Variants in ZNF292 observed in about 807,000 individuals in gnomAD.
ZNF292 encodes the protein 16 zinc-finger domain protein.
A neutral mutation model predicts 217.9 loss-of-function variants in ZNF292; 26 were observed. The observed-to-expected ratio is 0.12, with a 90% CI of 0.09 to 0.17. ZNF292 has a LOEUF of 0.17. ZNF292 is among the 10% of genes least tolerant of loss of function. The pLI is 1.00. For synonymous variants in ZNF292, 1,257 were observed against 1,124.1 expected (o/e 1.12, Z -2.37); for missense variants, 2,904 against 3,175.2 (o/e 0.91, Z 2.05).
At chr6:87,250,037 CAAAAA>C (rs75971468) in intron 7 of ZNF292, among the ~76,000 whole-genome samples, 1 of 79,660 alleles carries the variant, frequency 1.3e-5, no homozygotes, top group African/African-American at 4.3e-5. Flanking sequence ...AAAAAAAAAA[CAAAAA>C]AAAAAACTCC....
intron 1 of ZNF292, among the ~76,000 whole-genome samples, chr6:87,158,924 A>G (rs1770632055): frequency 6.6e-6 from 1 of 152,256 alleles, no homozygotes; most frequent in Non-Finnish European, 1.5e-5. Flanking sequence ...GCAAAGATGA[A>G]TAAACGTTTG....
At chr6:87,183,661 A>T (rs1427398072) in intron 1 of ZNF292, among the ~76,000 whole-genome samples, 1 of 152,240 alleles carries the variant, frequency 6.6e-6, no homozygotes, top group Non-Finnish European at 1.5e-5. Flanking sequence ...ACCACTTTAC[A>T]CCATAAAATA....
intron 7 of ZNF292, among the ~76,000 whole-genome samples, chr6:87,254,324 A>C (rs1174120515): frequency 6.6e-6 from 1 of 152,244 alleles, no homozygotes; most frequent in Non-Finnish European, 1.5e-5. Context: ...CAGTTTAATG[A>C]AGTTTAAGTG....
In ZNF292 at chr6:87,264,009, A is replaced by G. The variant is rs1401268970; in HGVS notation, c.*2208A>G. Reference sequence around the variant, plus strand: ...ATGGGGAAGAGTTTGCCAACATTTAATGAAATTTTTATATTCCAGGTAATG... The same window carrying G: ...ATGGGGAAGAGTTTGCCAACATTTAGTGAAATTTTTATATTCCAGGTAATG... On this transcript the variant is annotated 3_prime_UTR_variant, in exon 8 of 8. Coordinates refer to ENST00000369577, the MANE Select transcript of ZNF292 (RefSeq NM_015021.3). 6.6e-6 allele frequency: 1 copy of G among 152,132 alleles called. No individual in the cohort carries two copies. The highest frequency in any genetic ancestry group is 1.9e-4 in the East Asian group (1 of 5,196). The allele number at this position is 152,132 out of a possible 1,614,324, so 9.4% of individuals were successfully genotyped here. A position where few individuals can be genotyped will look rare whatever the true frequency, so the allele number is the denominator to read the frequency against.
chr6:87,242,660 C>T (rs1028798024), intron 5 of ZNF292, among the ~76,000 whole-genome samples: 1 of 152,188 alleles, frequency 6.6e-6, no homozygotes, highest in Non-Finnish European at 1.5e-5. Flanking sequence ...TTCTGTGGAA[C>T]ACTGGTAATT....
intron 4 of ZNF292, among the ~76,000 whole-genome samples, chr6:87,232,437 T>C (rs1773701127): frequency 6.6e-6 from 1 of 152,146 alleles, no homozygotes; most frequent in Non-Finnish European, 1.5e-5. Flanking sequence ...TAAATGTTAT[T>C]ACTAAAAGCC....
chr6:87,168,721 C>G (rs1770995286), intron 1 of ZNF292, among the ~76,000 whole-genome samples: 1 of 152,188 alleles, frequency 6.6e-6, no homozygotes, highest in Admixed American at 6.5e-5. Flanking sequence ...CCGCCCACCT[C>G]AGCCTCCCAA....
At chr6:87,205,401 G>A (rs971645937) in intron 1 of ZNF292, among the ~76,000 whole-genome samples, 4 of 151,954 alleles carry the variant, frequency 2.6e-5, no homozygotes, top group Admixed American at 2.6e-4. Flanking sequence ...TATAAAAATT[G>A]TATGATAATT....
Position 87,256,310 on chromosome 6 carries a change from A to G in ZNF292, c.2681A>G (p.Lys894Arg). ...ADRSDAWDKS[K>R]AESAVTKQDQ... The stretch of plus-strand genomic sequence containing the variant: ...AGAAGTGATGCTTGGGATAAAAGCA[A>G]AGCAGAATCAGCTGTGACCAAACAA... The change falls in exon 8 of 8, where the codon AAA becomes AGA. Residue 894 changes from lysine to arginine, a missense_variant. By Grantham distance (26) the Lys-to-Arg change is conservative (BLOSUM62 2). Coordinates refer to ENST00000369577, the MANE Select transcript of ZNF292 (RefSeq NM_015021.3). The G allele has an allele frequency of 3.1e-6, 5 of 1,613,534 alleles. No homozygotes were observed. The highest frequency in any genetic ancestry group is 4.2e-6 in the Non-Finnish European group (5 of 1,179,860).
At chr6:87,231,259 C>A (rs1462915542) in intron 4 of ZNF292, among the ~76,000 whole-genome samples, 1 of 152,056 alleles carries the variant, frequency 6.6e-6, no homozygotes, top group Non-Finnish European at 1.5e-5. Flanking sequence ...AAGGCTGATG[C>A]TACTTCACAG....
rs1192019154 is a variant in ZNF292, at chr6:87,239,641, TGCC to T, written c.742-3832_742-3830del. ...CTCCTCACTTCTCAGACGGGGCGGC[TGCC>T]GGGCGGAGGGGCTCCTCACTTCTCA... On this transcript the variant is annotated intron_variant, in intron 5 of 7. Transcript: ENST00000369577. Among the ~76,000 whole-genome samples, 702 of 122,020 alleles carry T rather than the reference TGCC, an allele frequency of 5.8e-3. 25 individuals are homozygous for T. The highest frequency in any genetic ancestry group is 0.023 in the African/African-American group (659 of 28,340). The allele number at this position is 122,020 out of a possible 152,430, so 80.0% of individuals were successfully genotyped here. A position where few individuals can be genotyped will look rare whatever the true frequency, so the allele number is the denominator to read the frequency against.
chr6:87,203,976 A>G (rs534924980), intron 1 of ZNF292, among the ~76,000 whole-genome samples: 1 of 152,322 alleles, frequency 6.6e-6, no homozygotes, highest in African/African-American at 2.4e-5. Context: ...AGGGATCAAA[A>G]TGAACATCAT....
intron 1 of ZNF292, among the ~76,000 whole-genome samples, chr6:87,159,355 T>G (rs1770644090): frequency 6.6e-6 from 1 of 151,918 alleles, no homozygotes; most frequent in Non-Finnish European, 1.5e-5. Flanking sequence ...GCGCCCGTCA[T>G]AAATTTTAAA....
chr6:87,190,279 CTTCA>C (rs1444705048), intron 1 of ZNF292, among the ~76,000 whole-genome samples: 1 of 152,154 alleles, frequency 6.6e-6, no homozygotes, highest in Non-Finnish European at 1.5e-5. Flanking sequence ...TGCTAGCTTT[CTTCA>C]TTCAGGTACT....
chr6:87,215,510 T>C (rs985964192), intron 1 of ZNF292, among the ~76,000 whole-genome samples: 6 of 152,278 alleles, frequency 3.9e-5, no homozygotes, highest in Admixed American at 3.9e-4. Flanking sequence ...AATATTGAAT[T>C]TTCTGCTGCT....
In ZNF292 at chr6:87,265,350, C is replaced by A. The variant is rs896369367; in HGVS notation, c.*3549C>A. On this transcript the variant is annotated 3_prime_UTR_variant, in exon 8 of 8. Coordinates refer to ENST00000369577, the MANE Select transcript of ZNF292 (RefSeq NM_015021.3). ...TCCCAGGTTCAAGTGATTCTCCTACCTCAGCCACCCAAGTAGGTGCACACC... is the reference window on the plus strand; with the variant it reads ...TCCCAGGTTCAAGTGATTCTCCTACATCAGCCACCCAAGTAGGTGCACACC... Among the ~76,000 whole-genome samples the A allele has an allele frequency of 6.6e-6, 1 of 152,060 alleles. No individual in the cohort carries two copies. Among genetic ancestry groups the A allele is most frequent in the East Asian group, 1.9e-4 (1 of 5,178 alleles).
intron 1 of ZNF292, among the ~76,000 whole-genome samples, chr6:87,157,635 C>T (rs1300428083): frequency 1.3e-5 from 2 of 152,096 alleles, no homozygotes; most frequent in Non-Finnish European, 2.9e-5. Context: ...TGGACTCCCC[C>T]CCGCTTTTTT....
At chr6:87,177,919 T>G (rs1332162390) in intron 1 of ZNF292, among the ~76,000 whole-genome samples, 1 of 150,432 alleles carries the variant, frequency 6.6e-6, no homozygotes, top group Non-Finnish European at 1.5e-5. Context: ...TGTCCCATCC[T>G]AACTGATTGG....
intron 1 of ZNF292, among the ~76,000 whole-genome samples, chr6:87,168,984 C>T (rs1771003932): frequency 6.6e-6 from 1 of 151,758 alleles, no homozygotes; most frequent in South Asian, 2.1e-4. Flanking sequence ...AGTTGTTATA[C>T]GGTTTTGGTT....
Sources: gnomAD v4.1 joint callset for allele counts (sites outside exome capture counted in the v4.1 genomes callset) on GRCh38, gnomAD v4.1.1 for gene constraint, MANE v1.5 for transcripts, NCBI Gene and HGNC (gene_info 2026-07-23, HGNC 2026-07-21) for gene names.